The following ASTN2 variants were observed in gnomAD, a reference collection of about 807,000 sequenced individuals.
The protein encoded by ASTN2 is astrotactin-2.
In ASTN2, 54 loss-of-function variants were observed where a neutral mutation model predicts 139.8. That is an observed-to-expected ratio of 0.39 (90% CI 0.31 to 0.48). The LOEUF (loss-of-function observed/expected upper bound fraction) is 0.48. Among genes scored for constraint, ASTN2 ranks in the 20% least tolerant of loss-of-function variants. The pLI, the probability that ASTN2 is intolerant of heterozygous loss-of-function variation, is 0.95. For synonymous variants in ASTN2, 756 were observed against 719.5 expected, an observed-to-expected ratio of 1.05 and a Z score of -0.81; for missense variants, 1,565 against 1,725.1, an observed-to-expected ratio of 0.91 and a Z score of 1.64.
At chr9:117,284,069 T>C (rs749230299) in intron 2 of ASTN2, among the ~76,000 whole-genome samples, 1 of 152,166 alleles carries the variant, frequency 6.6e-6, no homozygotes, top group Non-Finnish European at 1.5e-5. Context: ...CCCTCAGTAC[T>C]TCAGAATGTG....
intron 17 of ASTN2, among the ~76,000 whole-genome samples, chr9:116,649,529 G>A (rs10983291): frequency 1.3e-5 from 2 of 148,986 alleles, no homozygotes; most frequent in Admixed American, 6.7e-5. Flanking sequence ...AGCTGAGATC[G>A]CGCCATTGCA....
chr9:116,847,901 C>T (rs568840213), intron 11 of ASTN2, among the ~76,000 whole-genome samples: 1 of 152,306 alleles, frequency 6.6e-6, no homozygotes, highest in African/African-American at 2.4e-5. Flanking sequence ...TGTAAGAGAA[C>T]TTCCCAAGAT....
At chr9:116,792,997 C>A (rs1830597135) in intron 13 of ASTN2, among the ~76,000 whole-genome samples, 1 of 152,018 alleles carries the variant, frequency 6.6e-6, no homozygotes, top group Admixed American at 6.6e-5. Flanking sequence ...ATATTGGGTA[C>A]TATGCTCAGC....
At chr9:116,748,941 G>C (rs1397880602) in intron 13 of ASTN2, among the ~76,000 whole-genome samples, 1 of 152,158 alleles carries the variant, frequency 6.6e-6, no homozygotes, top group African/African-American at 2.4e-5. Flanking sequence ...AAGATGAGAA[G>C]ACCTATTCTC....
At chr9:116,801,494 G>A (rs529592712) in intron 13 of ASTN2, among the ~76,000 whole-genome samples, 68 of 145,566 alleles carry the variant, frequency 4.7e-4, no homozygotes, top group Non-Finnish European at 8.8e-4. Flanking sequence ...CAGGAGAATC[G>A]CGTGAACCTG....
intron 7 of ASTN2, among the ~76,000 whole-genome samples, chr9:117,004,884 G>T (rs1322372229): frequency 6.6e-6 from 1 of 152,020 alleles, no homozygotes; most frequent in South Asian, 2.1e-4. Flanking sequence ...TCTGGCTCCT[G>T]TTCTCTATTT....
At chr9:117,051,662 G>C (rs561921534) in intron 5 of ASTN2, among the ~76,000 whole-genome samples, 1 of 152,226 alleles carries the variant, frequency 6.6e-6, no homozygotes, top group African/African-American at 2.4e-5. Flanking sequence ...TTCAAAGACA[G>C]ATTCTGTCAT....
At chr9:116,968,924 C>T (rs1836100807) in intron 10 of ASTN2, among the ~76,000 whole-genome samples, 1 of 151,544 alleles carries the variant, frequency 6.6e-6, no homozygotes, top group Non-Finnish European at 1.5e-5. Context: ...AAAGTTCCTC[C>T]TTAGGCATGC....
At chr9:116,459,232 C>A (rs1281196300) in intron 20 of ASTN2, among the ~76,000 whole-genome samples, 1 of 151,844 alleles carries the variant, frequency 6.6e-6, no homozygotes, top group East Asian at 1.9e-4. Context: ...AAAGTGGGAC[C>A]CCTATATCAC....
intron 1 of ASTN2, among the ~76,000 whole-genome samples, chr9:117,328,056 T>A (rs919718815): frequency 2.6e-5 from 4 of 152,166 alleles, no homozygotes; most frequent in Non-Finnish European, 2.9e-5. Context: ...AGAAGAGGGC[T>A]GTGGAATGAA....
rs565315336 is a variant in ASTN2 at position 117,176,821 on chromosome 9, A to G, written c.1016-35343T>C. Among the ~76,000 whole-genome samples the G allele has an allele frequency of 2.2e-4, 34 of 152,296 alleles. 1 individual carries two copies. Among genetic ancestry groups the G allele is most frequent in the African/African-American group, 6.5e-4 (27 of 41,568 alleles). ...ATGGTGTACTCCTGTAGTCCCAGCT[A>G]CTTGAGAGACTGAGGTAGGAGATTG... On this transcript the variant is annotated intron_variant, in intron 3 of 22. Coordinates refer to ENST00000313400, the MANE Select transcript of ASTN2 (RefSeq NM_001365068.1).
At chr9:117,180,627 C>CA in intron 3 of ASTN2, 2 of 939,632 alleles carry the variant, frequency 2.1e-6, no homozygotes, top group African/African-American at 3.7e-5. Flanking sequence ...TCTGGAGTAT[C>CA]TTTTTTTTTT....
intron 13 of ASTN2, among the ~76,000 whole-genome samples, chr9:116,747,304 A>G (rs1400482010): frequency 6.6e-6 from 1 of 152,212 alleles, no homozygotes; most frequent in Non-Finnish European, 1.5e-5. Flanking sequence ...ATCTAACTTC[A>G]TGTTCTTAAA....
chr9:117,094,386 T>C (rs1457412039), intron 5 of ASTN2, among the ~76,000 whole-genome samples: 1 of 152,094 alleles, frequency 6.6e-6, no homozygotes, highest in Non-Finnish European at 1.5e-5. Context: ...ACATGCTCAG[T>C]GATGAATGTT....
At chr9:116,465,309 C>G (rs186979292) in intron 20 of ASTN2, among the ~76,000 whole-genome samples, 6 of 152,258 alleles carry the variant, frequency 3.9e-5, no homozygotes, top group Admixed American at 3.9e-4. Context: ...ATAAGCCTTT[C>G]TGGTCGACTG....
intron 10 of ASTN2, among the ~76,000 whole-genome samples, chr9:116,957,871 G>A (rs1333198334): frequency 6.6e-6 from 1 of 152,126 alleles, no homozygotes; most frequent in African/African-American, 2.4e-5. Flanking sequence ...CACTGAGACG[G>A]GGTTTCACCA....
rs74879359 is a variant in ASTN2, at chr9:116,494,823, A to G, written c.3356-7323T>C. ...GCTGAAGTCAGGACATTCAGCACCC[A>G]AAGTCTGTGCCTTTCCTACTGCACA... On this transcript the variant is annotated intron_variant, in intron 19 of 22. Coordinates refer to ENST00000313400, the MANE Select transcript of ASTN2 (RefSeq NM_001365068.1). Among the ~76,000 whole-genome samples the G allele has an allele frequency of 1.6e-3, 250 of 152,312 alleles. 6 individuals carry two copies. In the East Asian group the frequency reaches 0.044, roughly 27 times the overall value.
At chr9:116,577,275 C>A (rs1853759325) in intron 19 of ASTN2, among the ~76,000 whole-genome samples, 1 of 152,142 alleles carries the variant, frequency 6.6e-6, no homozygotes. Flanking sequence ...ATGCCTGTAA[C>A]CTCAGCATTT....
chr9:116,938,141 A>G (rs534376532), intron 10 of ASTN2, among the ~76,000 whole-genome samples: 1 of 152,308 alleles, frequency 6.6e-6, no homozygotes, highest in Admixed American at 6.5e-5. Context: ...TCTTTCTACT[A>G]TACTACCTTA....
Sources: allele counts gnomAD v4.1 joint callset (sites outside exome capture counted in the v4.1 genomes callset), GRCh38; gene constraint gnomAD v4.1.1; transcripts MANE v1.5; gene names NCBI Gene and HGNC (gene_info 2026-07-23, HGNC 2026-07-21).